RICTOR: variants seen among roughly 807,000 people sequenced by gnomAD.
RICTOR encodes RPTOR independent companion of MTOR complex 2, also known as rapamycin-insensitive companion of mTOR.
A neutral mutation model predicts 214.9 loss-of-function variants in RICTOR; 49 were observed. The ratio of observed to expected loss-of-function variants is 0.23; its 90% confidence interval spans 0.18 to 0.29. The LOEUF is 0.29. Among genes scored for constraint, RICTOR ranks in the 10% least tolerant of loss-of-function variants. The pLI is 1.00. For missense variants in RICTOR, 1,625 were observed against 2,047.0 expected (o/e 0.79, Z 3.98); for synonymous variants, 717 against 711.3 (o/e 1.01, Z -0.13).
chr5:39,054,672 T>C (rs1206990068), intron 2 of RICTOR, among the ~76,000 whole-genome samples: 2 of 152,372 alleles, frequency 1.3e-5, no homozygotes, highest in East Asian at 1.9e-4. Flanking sequence ...TTGAGTAACA[T>C]GCAACTAACT....
intron 7 of RICTOR, among the ~76,000 whole-genome samples, chr5:38,987,361 T>G (rs1752252891): frequency 6.6e-6 from 1 of 152,186 alleles, no homozygotes. Flanking sequence ...CCTGGGCTTT[T>G]TTTGGTTGGT....
intron 7 of RICTOR, among the ~76,000 whole-genome samples, chr5:38,982,641 C>T (rs144171487): frequency 1.2e-4 from 19 of 152,174 alleles, no homozygotes; most frequent in African/African-American, 3.9e-4. Flanking sequence ...TCCTGGGATG[C>T]TTCCCAAACT....
chr5:38,944,948 G>A lies in RICTOR; in HGVS notation c.4754C>T (p.Ser1585Leu), dbSNP rs756979979. 1.2e-6 allele frequency: 2 copies of A among 1,614,044 alleles called. No individual in the cohort carries two copies. Among genetic ancestry groups the A allele is most frequent in the Non-Finnish European group, 1.7e-6 (2 of 1,179,972 alleles). The change falls in exon 35 of 38, where the codon TCA (serine) becomes TTA (leucine). Residue 1585 changes from serine (S) to leucine (L), a missense_variant. Transcript: ENST00000357387. ...GCSDGVSQEG[S>L]ASSTKSTELL... The stretch of plus-strand genomic sequence containing the variant: ...TTCTGTGCTTTTGGTGCTGCTAGCT[G>A]AGCCTTCTTGAGACACCCCATCACT...
At chr5:38,968,074 CTT>C (rs1750384744) in intron 11 of RICTOR, 44 bp from the exon 12 acceptor site, 1 of 1,120,716 alleles carries the variant, frequency 8.9e-7, no homozygotes, top group South Asian at 1.2e-5. Flanking sequence ...TTATGAAACA[CTT>C]TTAAGATTTT....
At chr5:38,987,030 T>C (rs1752225052) in intron 7 of RICTOR, among the ~76,000 whole-genome samples, 1 of 152,252 alleles carries the variant, frequency 6.6e-6, no homozygotes, top group Admixed American at 6.5e-5. Flanking sequence ...TTATGTGTAC[T>C]GATTTGCGTA....
At position 38,990,987 on chromosome 5, in the gene RICTOR, C is replaced by A. The variant is rs1752732668; in HGVS notation, c.545G>T (p.Arg182Ile). The A allele has an allele frequency of 6.2e-7, 1 of 1,608,154 alleles. No homozygotes were observed. Among genetic ancestry groups the A allele is most frequent in the Non-Finnish European group, 8.5e-7 (1 of 1,176,534 alleles). Reference sequence around the variant, plus strand: ...AATGGCAATGCATGCTCGGACCATTCTGTCTCTTTCTTGAAGTCCATCATT... The same window carrying A: ...AATGGCAATGCATGCTCGGACCATTATGTCTCTTTCTTGAAGTCCATCATT... ...VGNDGLQERD[R>I]MVRACIAIIC... The change falls in exon 7 of 38, where the codon AGA becomes ATA. Residue 182 changes from arginine to isoleucine, a missense_variant. Physicochemically the swap from Arg to Ile is moderately conservative, Grantham distance 97 (BLOSUM62 -3). Around this residue, in one of 5 missense-constraint regions of RICTOR, gnomAD observed 258 missense variants for 393.7 expected, o/e 0.66. Coordinates refer to ENST00000357387, the MANE Select transcript of RICTOR (RefSeq NM_152756.5).
At chr5:38,983,896 C>T (rs1164221289) in intron 7 of RICTOR, among the ~76,000 whole-genome samples, 1 of 152,060 alleles carries the variant, frequency 6.6e-6, no homozygotes, top group Non-Finnish European at 1.5e-5. Flanking sequence ...ACCCAGGAGG[C>T]GGAGGTTGCA....
chr5:38,985,936 TC>T (rs1456419554), intron 7 of RICTOR, among the ~76,000 whole-genome samples: 1 of 152,138 alleles, frequency 6.6e-6, no homozygotes, highest in African/African-American at 2.4e-5. Context: ...CCTCAGGTGA[TC>T]CGCCTGCCCC....
Position 38,938,783 on chromosome 5 carries a change from T to C in RICTOR, c.*3521A>G. On this transcript the variant is annotated 3_prime_UTR_variant, in exon 38 of 38. Transcript: ENST00000357387. Reference sequence around the variant, plus strand: ...TGAGATTCTCACTGTAATGACACTCTTGAGATTAAGATAGTAACAGTGTAT... The same window carrying C: ...TGAGATTCTCACTGTAATGACACTCCTGAGATTAAGATAGTAACAGTGTAT... 4.3e-6 allele frequency: 1 copy of C among 233,080 alleles called. No individual in the cohort carries two copies. The highest frequency in any genetic ancestry group is 8.5e-6 in the Non-Finnish European group (1 of 117,696). 14.4% of individuals were successfully genotyped at this position (233,080 alleles called of 1,614,324 possible). A position where few individuals can be genotyped will look rare whatever the true frequency, so the allele number is the denominator to read the frequency against.
chr5:39,009,028 C>T (rs748730998), intron 3 of RICTOR, among the ~76,000 whole-genome samples: 1 of 152,022 alleles, frequency 6.6e-6, no homozygotes, highest in Admixed American at 6.6e-5. Flanking sequence ...ATAATTTACA[C>T]ATATCAACTC....
chr5:39,060,104 A>G (rs1758442884), intron 2 of RICTOR, among the ~76,000 whole-genome samples: 1 of 152,112 alleles, frequency 6.6e-6, no homozygotes, highest in African/African-American at 2.4e-5. Context: ...CTTATTAGCT[A>G]TCTTCATATA....
chr5:39,033,206 C>G (rs1580148824), intron 2 of RICTOR, among the ~76,000 whole-genome samples: 1 of 152,064 alleles, frequency 6.6e-6, no homozygotes, highest in Non-Finnish European at 1.5e-5. Context: ...TCCATTATCT[C>G]CTTCCCCCAG....
intron 15 of RICTOR, among the ~76,000 whole-genome samples, chr5:38,965,094 G>C (rs2150028246): frequency 6.6e-6 from 1 of 151,900 alleles, no homozygotes; most frequent in Admixed American, 6.5e-5. Flanking sequence ...GGAATATAAA[G>C]ATACACACAT....
intron 2 of RICTOR, among the ~76,000 whole-genome samples, chr5:39,033,321 T>C (rs1756407135): frequency 6.6e-6 from 1 of 151,822 alleles, no homozygotes; most frequent in African/African-American, 2.4e-5. Flanking sequence ...TGGAGTGCAA[T>C]GGTGGGATCT....
Position 39,055,183 on chromosome 5 carries a change from C to T in RICTOR, c.97+18928G>A, listed in dbSNP as rs74960571. The stretch of plus-strand genomic sequence containing the variant: ...GAAACCCTCTAATGACTTCCCTTTG[C>T]AGTTGTACCACCCTCTCCAAGTTAT... On this transcript the variant is annotated intron_variant, in intron 2 of 37. Transcript: ENST00000357387. 3.9e-5 allele frequency among the ~76,000 whole-genome samples: 6 copies of T among 152,284 alleles called. No individual in the cohort carries two copies. The East Asian group carries it at 9.6e-4, about 24-fold the overall frequency.
In RICTOR at chr5:39,055,498, G is replaced by A. The variant is rs116587017; in HGVS notation, c.97+18613C>T. ...AGTACCTAAAATTCTGCACTCATGT[G>A]TTTACTGTGTTCTCCCCCCTAGACT... On this transcript the variant is annotated intron_variant, in intron 2 of 37. Coordinates refer to ENST00000357387, the MANE Select transcript of RICTOR (RefSeq NM_152756.5). 7.5e-3 allele frequency among the ~76,000 whole-genome samples: 1,013 copies of A among 135,200 alleles called. 13 individuals carry two copies. Among genetic ancestry groups the A allele is most frequent in the African/African-American group, 0.026 (895 of 34,982 alleles). The allele number at this position is 135,200 out of a possible 152,430, so 88.7% of individuals were successfully genotyped here.
intron 2 of RICTOR, among the ~76,000 whole-genome samples, chr5:39,054,699 C>A (rs897681126): frequency 6.6e-6 from 1 of 152,162 alleles, no homozygotes; most frequent in Non-Finnish European, 1.5e-5. Flanking sequence ...TCTTGAAGAG[C>A]AAGGTCTGAT....
chr5:38,977,008 A>C (rs749717406), intron 9 of RICTOR, among the ~76,000 whole-genome samples: 1 of 152,218 alleles, frequency 6.6e-6, no homozygotes, highest in Non-Finnish European at 1.5e-5. Context: ...AGCATATAGC[A>C]GGCTTGATCT....
intron 2 of RICTOR, 112 bp downstream of exon 2, chr5:39,073,999 C>G (rs1759526140): frequency 3.0e-6 from 2 of 665,118 alleles, no homozygotes; most frequent in East Asian, 1.1e-4. Flanking sequence ...GGCTCTGGCC[C>G]CCGCACCCCG....
Sources: allele counts gnomAD v4.1 joint callset (sites outside exome capture counted in the v4.1 genomes callset), GRCh38; gene constraint gnomAD v4.1.1; regional missense constraint gnomAD v4.1.1; transcripts MANE v1.5; gene names NCBI Gene and HGNC (gene_info 2026-07-23, HGNC 2026-07-21).